Variants in CTNNA2 observed in about 807,000 individuals in gnomAD.
CTNNA2 encodes catenin alpha 2.
Under a neutral mutation model 101.0 loss-of-function variants are expected in CTNNA2, and 42 were observed. The ratio of observed to expected loss-of-function variants is 0.42; its 90% CI spans 0.32 to 0.54. The LOEUF is 0.54. Among genes scored for constraint, CTNNA2 ranks in the 20% least tolerant of loss-of-function variants. The pLI is 0.14. For synonymous variants in CTNNA2, 450 were observed against 456.4 expected, an observed-to-expected ratio of 0.99 and a Z score of 0.18; for missense variants, 871 against 1,223.1, an observed-to-expected ratio of 0.71 and a Z score of 4.29.
chr2:80,472,129 A>AT, intron 9 of CTNNA2, among the ~76,000 whole-genome samples: 1 of 151,972 alleles, frequency 6.6e-6, no homozygotes, highest in South Asian at 2.1e-4. Flanking sequence ...CAAAAAAAAA[A>AT]AAGGTTAGAA....
intron 7 of CTNNA2, chr2:80,328,482 G>T: frequency 2.3e-6 from 1 of 434,310 alleles, no homozygotes. Context: ...CAGTCATCTG[G>T]AGCAGCAGGT....
chr2:79,786,684 C>T (rs150621521), intron 3 of CTNNA2, among the ~76,000 whole-genome samples: 393 of 152,082 alleles, frequency 2.6e-3, no homozygotes, highest in African/African-American at 9.2e-3. Context: ...AGAGGAGTAC[C>T]ATCCCATACC....
At chr2:79,265,999 A>T (rs1674982175) in intron 2 of CTNNA2, among the ~76,000 whole-genome samples, 1 of 152,290 alleles carries the variant, frequency 6.6e-6, no homozygotes, top group South Asian at 2.1e-4. Context: ...GATTGTTTAA[A>T]TCAGCAAATT....
In CTNNA2 at chr2:79,376,469, T is replaced by G. The variant is rs556948097; in HGVS notation, c.-135+2456T>G. Among the ~76,000 whole-genome samples, 23 of 151,912 alleles carry G rather than the reference T, an allele frequency of 1.5e-4. 1 individual carries two copies. The South Asian group carries it at 4.8e-3, about 32-fold the overall frequency. ...TTGGTTGGTTTTGTTTTTGTTTTTG[T>G]TTTTTTGAAATTTTTCTAATTTTTT... On this transcript the variant is annotated intron_variant, in intron 4 of 21. Transcript: ENST00000466387.
chr2:80,323,665 T>C (rs765995221), intron 7 of CTNNA2, among the ~76,000 whole-genome samples: 1 of 152,070 alleles, frequency 6.6e-6, no homozygotes, highest in African/African-American at 2.4e-5. Flanking sequence ...TTTTCTTTCT[T>C]TTTCTCCTCC....
chr2:79,365,645 G>GAAA (rs891233672), intron 3 of CTNNA2, among the ~76,000 whole-genome samples: 60 of 138,000 alleles, frequency 4.3e-4, no homozygotes, highest in African/African-American at 1.1e-3. Flanking sequence ...GGAGAAAAAG[G>GAAA]AAAAAAAAAA....
At chr2:79,777,966 A>T (rs1180031601) in intron 3 of CTNNA2, among the ~76,000 whole-genome samples, 1 of 151,918 alleles carries the variant, frequency 6.6e-6, no homozygotes, top group Admixed American at 6.6e-5. Flanking sequence ...AATTCACATA[A>T]AACAAATGGC....
chr2:79,427,874 G>T (rs1678609588), intron 4 of CTNNA2, among the ~76,000 whole-genome samples: 1 of 151,874 alleles, frequency 6.6e-6, no homozygotes, highest in African/African-American at 2.4e-5. Context: ...AATTCCTAAA[G>T]GAACAGATAA....
At chr2:79,718,458 A>T (rs1573776757) in intron 2 of CTNNA2, among the ~76,000 whole-genome samples, 1 of 152,326 alleles carries the variant, frequency 6.6e-6, no homozygotes, top group Non-Finnish European at 1.5e-5. Context: ...AATAAAAATG[A>T]TCTGCTCCCC....
At chr2:79,197,460 A>C (rs1673976352) in intron 1 of CTNNA2, among the ~76,000 whole-genome samples, 1 of 152,206 alleles carries the variant, frequency 6.6e-6, no homozygotes, top group African/African-American at 2.4e-5. Flanking sequence ...TCTCTGGGCC[A>C]ATTGCTACAG....
intron 7 of CTNNA2, among the ~76,000 whole-genome samples, chr2:80,199,182 G>GAAAAAAAAAAAA (rs70940076): frequency 2.5e-5 from 1 of 40,052 alleles, no homozygotes; most frequent in Non-Finnish European, 4.6e-5. Flanking sequence ...CTCCATCTCA[G>GAAAAAAAAAAAA]AAAAAAAAAA....
chr2:80,185,007 A>G (rs937058214), intron 7 of CTNNA2, among the ~76,000 whole-genome samples: 4 of 152,162 alleles, frequency 2.6e-5, no homozygotes, highest in Admixed American at 6.6e-5. Flanking sequence ...AAATTATCCC[A>G]AAACTCAATG....
intron 7 of CTNNA2, among the ~76,000 whole-genome samples, chr2:79,921,196 A>AC (rs1686628933): frequency 6.6e-6 from 1 of 152,190 alleles, no homozygotes; most frequent in Non-Finnish European, 1.5e-5. Context: ...TTGAGCAAGT[A>AC]CCCCAGCTGA....
At chr2:79,745,362 C>T (rs951586220) in intron 3 of CTNNA2, among the ~76,000 whole-genome samples, 3 of 151,678 alleles carry the variant, frequency 2.0e-5, no homozygotes, top group Admixed American at 6.6e-5. Context: ...ACCCGGGAGG[C>T]GGAGGTTGCA....
chr2:80,014,602 C>T (rs1694008362), intron 7 of CTNNA2, among the ~76,000 whole-genome samples: 2 of 152,188 alleles, frequency 1.3e-5, no homozygotes, highest in African/African-American at 4.8e-5. Context: ...CTGCTTTCTT[C>T]ACTGACACCC....
At chr2:80,380,520 T>C (rs576871001) in intron 7 of CTNNA2, among the ~76,000 whole-genome samples, 10 of 152,212 alleles carry the variant, frequency 6.6e-5, no homozygotes, top group Non-Finnish European at 1.3e-4. Flanking sequence ...CCTTTTTCAC[T>C]TATAGCCGAA....
At chr2:79,972,399 T>G (rs1690547606) in intron 7 of CTNNA2, among the ~76,000 whole-genome samples, 1 of 152,176 alleles carries the variant, frequency 6.6e-6, no homozygotes, top group African/African-American at 2.4e-5. Flanking sequence ...TGCTGCACAT[T>G]GGAAAATTTG....
chr2:80,486,015 G>C (rs1686553418), intron 9 of CTNNA2, among the ~76,000 whole-genome samples: 1 of 151,800 alleles, frequency 6.6e-6, no homozygotes, highest in Non-Finnish European at 1.5e-5. Flanking sequence ...TCTTTTTCCA[G>C]CTCCTAATTA....
intron 7 of CTNNA2, among the ~76,000 whole-genome samples, chr2:80,094,848 A>G (rs1700043489): frequency 6.6e-6 from 1 of 152,174 alleles, no homozygotes; most frequent in Admixed American, 6.5e-5. Flanking sequence ...ATTTTTGCAC[A>G]TTGATTTTGT....
Sources: gnomAD v4.1 joint callset for allele counts (sites outside exome capture counted in the v4.1 genomes callset) on GRCh38, gnomAD v4.1.1 for gene constraint, MANE v1.5 for transcripts, NCBI Gene and HGNC (gene_info 2026-07-23, HGNC 2026-07-21) for gene names.